The following DPYD variants were observed in gnomAD, a reference collection of about 807,000 sequenced individuals.
DPYD encodes the protein dihydropyrimidine dehydrogenase [NADP(+)].
In DPYD, 109 loss-of-function variants were observed where a neutral mutation model predicts 116.2. That is an observed-to-expected ratio of 0.94 (90% CI 0.80 to 1.10). DPYD has a LOEUF of 1.10. Ranked by LOEUF, DPYD falls within the 50% of genes least tolerant of loss-of-function variation. DPYD has a pLI of 0.00. For missense variants in DPYD, 1,302 were observed against 1,254.5 expected, an observed-to-expected ratio of 1.04 and a Z score of -0.57; for synonymous variants, 440 against 432.0, an observed-to-expected ratio of 1.02 and a Z score of -0.23.
intron 3 of DPYD, among the ~76,000 whole-genome samples, chr1:97,779,113 G>A (rs1266302920): frequency 6.6e-6 from 1 of 152,006 alleles, no homozygotes; most frequent in African/African-American, 2.4e-5. Context: ...ACATTTAAAA[G>A]GGTATTTTTA....
At chr1:97,525,387 A>C (rs565243818) in intron 12 of DPYD, among the ~76,000 whole-genome samples, 1 of 151,860 alleles carries the variant, frequency 6.6e-6, no homozygotes, top group African/African-American at 2.4e-5. Context: ...AGAAAAAAAA[A>C]CCTCCTCAGC....
Position 97,486,020 on chromosome 1 carries a change from T to C in DPYD, c.1740+29706A>G, listed in dbSNP as rs539991144. Among the ~76,000 whole-genome samples, 6 of 152,326 alleles carry C rather than the reference T, an allele frequency of 3.9e-5. No homozygotes were observed. In the South Asian group the frequency reaches 1.2e-3, roughly 32 times the overall value. On this transcript the variant is annotated intron_variant, in intron 13 of 22. Transcript: ENST00000370192. ...TATGAAGTATGATAAAACTACTATG[T>C]TTAACAGGAAGTTAATACAATGTAT...
intron 12 of DPYD, among the ~76,000 whole-genome samples, chr1:97,549,033 ACT>A (rs545992459): frequency 2.0e-5 from 3 of 152,008 alleles, no homozygotes; most frequent in African/African-American, 7.2e-5. Context: ...ACTTCACAGT[ACT>A]CAAATGGTAG....
At chr1:97,535,587 T>A (rs1649935669) in intron 12 of DPYD, among the ~76,000 whole-genome samples, 2 of 152,200 alleles carry the variant, frequency 1.3e-5, no homozygotes, top group African/African-American at 4.8e-5. Context: ...AAGGAAATAT[T>A]CTGTCTTTAT....
intron 8 of DPYD, among the ~76,000 whole-genome samples, chr1:97,642,230 G>GA (rs150467511): frequency 0.089 from 13,426 of 151,098 alleles, 808 homozygotes; most frequent in Non-Finnish European, 0.12. Flanking sequence ...TTTCTTCATA[G>GA]AAAAAAAAAT....
At chr1:97,710,728 A>G (rs1354192639) in intron 5 of DPYD, among the ~76,000 whole-genome samples, 2 of 151,694 alleles carry the variant, frequency 1.3e-5, no homozygotes, top group Non-Finnish European at 3.0e-5. Flanking sequence ...ATGAAAAAAA[A>G]CATAGACTCT....
intron 3 of DPYD, among the ~76,000 whole-genome samples, chr1:97,787,954 G>A (rs61786605): frequency 0.16 from 23,847 of 152,154 alleles, 2,196 homozygotes; most frequent in Non-Finnish European, 0.21. Flanking sequence ...TAGTAGAGAG[G>A]TAGACAGGTT....
intron 13 of DPYD, among the ~76,000 whole-genome samples, chr1:97,454,763 CTT>C (rs1676594978): frequency 1.3e-5 from 2 of 151,932 alleles, no homozygotes; most frequent in South Asian, 4.2e-4. Flanking sequence ...ATTATAAAAA[CTT>C]ATGATGTTTC....
intron 2 of DPYD, among the ~76,000 whole-genome samples, chr1:97,870,579 T>C (rs572713554): frequency 6.6e-6 from 1 of 151,912 alleles, no homozygotes; most frequent in East Asian, 1.9e-4. Context: ...TGATCTCACT[T>C]TTGTGAGTAT....
intron 13 of DPYD, among the ~76,000 whole-genome samples, chr1:97,472,141 G>C (rs1317855398): frequency 1.3e-5 from 2 of 152,146 alleles, no homozygotes; most frequent in Non-Finnish European, 2.9e-5. Flanking sequence ...CTTAAGATGG[G>C]ATAATGTGCA....
At chr1:97,263,386 A>G (rs1421580631) in intron 18 of DPYD, among the ~76,000 whole-genome samples, 3 of 152,252 alleles carry the variant, frequency 2.0e-5, no homozygotes, top group African/African-American at 7.2e-5. Context: ...ACAATATAGA[A>G]AAAGGCTTGG....
At chr1:97,269,596 A>G (rs2100885700) in intron 18 of DPYD, among the ~76,000 whole-genome samples, 1 of 152,268 alleles carries the variant, frequency 6.6e-6, no homozygotes, top group South Asian at 2.1e-4. Context: ...AAGGCTGGGA[A>G]GTCGGTGGTT....
At chr1:97,816,742 T>C (rs1293950135) in intron 3 of DPYD, among the ~76,000 whole-genome samples, 1 of 152,156 alleles carries the variant, frequency 6.6e-6, no homozygotes, top group Non-Finnish European at 1.5e-5. Flanking sequence ...TTGTTGCATA[T>C]TGGTGATTTC....
chr1:97,607,812 T>G (rs1301084660), intron 8 of DPYD, among the ~76,000 whole-genome samples: 1 of 151,952 alleles, frequency 6.6e-6, no homozygotes, highest in Non-Finnish European at 1.5e-5. Context: ...CATAACACTA[T>G]GTACACTGTA....
intron 16 of DPYD, among the ~76,000 whole-genome samples, chr1:97,311,623 T>C (rs541609338): frequency 4.2e-4 from 64 of 151,826 alleles, no homozygotes; most frequent in African/African-American, 1.5e-3. Flanking sequence ...CTTTTAAAGA[T>C]GCAAACTCCA....
chr1:97,217,603 AT>A (rs1660499440), intron 19 of DPYD, among the ~76,000 whole-genome samples: 2 of 151,496 alleles, frequency 1.3e-5, no homozygotes, highest in African/African-American at 2.4e-5. Context: ...TTGTTTGCTT[AT>A]TTTTTATTCC....
At chr1:97,783,102 CTGT>C (rs1287230377) in intron 3 of DPYD, among the ~76,000 whole-genome samples, 1 of 152,182 alleles carries the variant, frequency 6.6e-6, no homozygotes, top group East Asian at 1.9e-4. Context: ...AGAGCCAACG[CTGT>C]TGAACAGAAA....
chr1:97,503,200 CTA>C (rs1679693679), intron 13 of DPYD, among the ~76,000 whole-genome samples: 1 of 151,916 alleles, frequency 6.6e-6, no homozygotes, highest in Non-Finnish European at 1.5e-5. Context: ...TCTCTGTTGT[CTA>C]TACAATATTT....
At chr1:97,316,600 G>A (rs537650225) in intron 16 of DPYD, among the ~76,000 whole-genome samples, 6 of 149,934 alleles carry the variant, frequency 4.0e-5, no homozygotes, top group African/African-American at 1.4e-4. Context: ...TCTTCCAGGT[G>A]TGTTGGGCCT....
Sources: allele counts gnomAD v4.1 joint callset (sites outside exome capture counted in the v4.1 genomes callset), GRCh38; gene constraint gnomAD v4.1.1; transcripts MANE v1.5; gene names NCBI Gene and HGNC (gene_info 2026-07-23, HGNC 2026-07-21).